The following CPVL variants were observed in gnomAD, a reference collection of about 807,000 sequenced individuals.
CPVL encodes carboxypeptidase vitellogenic like.
CPVL carries 51 observed loss-of-function variants against 63.7 expected under a neutral mutation model. That is an observed-to-expected ratio of 0.80 (90% CI 0.64 to 1.01). CPVL has a LOEUF of 1.01. Ranked by LOEUF, CPVL falls within the 50% of genes least tolerant of loss-of-function variation. CPVL has a pLI of 0.00. For missense variants in CPVL, 530 were observed against 573.1 expected (o/e 0.92, Z 0.77); for synonymous variants, 195 against 206.0 (o/e 0.95, Z 0.46).
chr7:29,191,960 A>T (rs1025298205), intron 1 of CPVL: 1 of 152,232 alleles, frequency 6.6e-6, no homozygotes, highest in South Asian at 2.1e-4. Flanking sequence ...AGGCTCCTGA[A>T]TCTAAGAAGG....
intron 8 of CPVL, among the ~76,000 whole-genome samples, 180 bp downstream of exon 8, chr7:29,072,121 T>G (rs1442372295): frequency 6.6e-6 from 1 of 152,164 alleles, no homozygotes; most frequent in African/African-American, 2.4e-5. Flanking sequence ...ACAGCCAATG[T>G]AAGCTGACAC....
chr7:29,163,106 T>C (rs961469011), intron 5 of CPVL, among the ~76,000 whole-genome samples: 1 of 152,180 alleles, frequency 6.6e-6, no homozygotes, highest in African/African-American at 2.4e-5. Context: ...CTACTTTTAC[T>C]CCTTATGAGT....
chr7:29,184,155 A>AGATG (rs753211671), intron 4 of CPVL, among the ~76,000 whole-genome samples: 7 of 70,880 alleles, frequency 9.9e-5, no homozygotes, highest in African/African-American at 4.4e-4. Flanking sequence ...GATAGATGAT[A>AGATG]GATAGATAGA....
intron 11 of CPVL, among the ~76,000 whole-genome samples, chr7:29,051,544 C>T (rs765993969): frequency 3.9e-5 from 6 of 152,058 alleles, no homozygotes; most frequent in Non-Finnish European, 7.4e-5. Context: ...AACCACCATG[C>T]GATACCACCT....
At chr7:29,060,613 A>G (rs192484633) in intron 11 of CPVL, among the ~76,000 whole-genome samples, 35 of 152,346 alleles carry the variant, frequency 2.3e-4, no homozygotes, top group African/African-American at 8.2e-4. Context: ...ATATCACTGT[A>G]AGAAAAGGAT....
chr7:29,020,851 A>C (rs576209038), intron 12 of CPVL, among the ~76,000 whole-genome samples: 4 of 152,366 alleles, frequency 2.6e-5, no homozygotes, highest in African/African-American at 7.2e-5. Flanking sequence ...TAAAAACACC[A>C]GAGATCTTAA....
At chr7:29,143,741 T>G (rs28641834) in intron 1 of CPVL, among the ~76,000 whole-genome samples, 1 of 152,184 alleles carries the variant, frequency 6.6e-6, no homozygotes, top group Non-Finnish European at 1.5e-5. Flanking sequence ...CCAACTATAT[T>G]GGAAAGATAA....
chr7:29,122,105 AGAT>A (rs1789446965), intron 1 of CPVL, among the ~76,000 whole-genome samples: 1 of 152,230 alleles, frequency 6.6e-6, no homozygotes. Flanking sequence ...ATGTATTTGT[AGAT>A]GATTTGAATC....
intron 5 of CPVL, among the ~76,000 whole-genome samples, chr7:29,178,266 C>A (rs1797614119): frequency 6.6e-6 from 1 of 152,154 alleles, no homozygotes; most frequent in South Asian, 2.1e-4. Context: ...ATGTTATCCC[C>A]TTCCTAAAAG....
chr7:29,048,895 T>A (rs905850078), intron 11 of CPVL, among the ~76,000 whole-genome samples: 3 of 92,030 alleles, frequency 3.3e-5, no homozygotes, highest in Non-Finnish European at 6.4e-5. Context: ...TGTGAATACA[T>A]GCAAATTAAA....
At chr7:29,153,691 T>A (rs564719838) in intron 5 of CPVL, among the ~76,000 whole-genome samples, 2 of 152,308 alleles carry the variant, frequency 1.3e-5, no homozygotes, top group South Asian at 4.1e-4. Context: ...TGCCTCAGCC[T>A]CCTGAGTGGC....
chr7:29,041,650 G>A (rs1789105137), intron 11 of CPVL, among the ~76,000 whole-genome samples: 1 of 152,062 alleles, frequency 6.6e-6, no homozygotes, highest in Non-Finnish European at 1.5e-5. Context: ...ATAAGAAACG[G>A]CCCTGCAAGA....
chr7:29,123,614 AAAAAAAAAAAAAAAATATAT>A (rs1369642621), intron 1 of CPVL, among the ~76,000 whole-genome samples: 14 of 92,198 alleles, frequency 1.5e-4, no homozygotes, highest in African/African-American at 6.9e-4. Context: ...AAAAAAAAAA[AAAAAAAAAAAAAAAATATAT>A]ATATATATAT....
chr7:29,167,285 T>A (rs947258953), intron 5 of CPVL, among the ~76,000 whole-genome samples: 1 of 152,218 alleles, frequency 6.6e-6, no homozygotes, highest in Non-Finnish European at 1.5e-5. Flanking sequence ...TAGGCTTACT[T>A]TTTTCATTCA....
intron 4 of CPVL, 42 bp downstream of exon 4, chr7:29,096,061 G>A: frequency 1.4e-6 from 2 of 1,476,206 alleles, no homozygotes; most frequent in Non-Finnish European, 1.9e-6. Flanking sequence ...ATGAGGCTCA[G>A]ATGAAAGATT....
intron 1 of CPVL, among the ~76,000 whole-genome samples, chr7:29,188,748 G>A (rs1466037027): frequency 1.3e-5 from 2 of 151,904 alleles, no homozygotes; most frequent in African/African-American, 4.8e-5. Flanking sequence ...GATTTTGGAC[G>A]TTTTGTTAAA....
intron 11 of CPVL, among the ~76,000 whole-genome samples, chr7:29,062,711 A>G (rs1661865170): frequency 1.3e-5 from 2 of 152,176 alleles, no homozygotes; most frequent in African/African-American, 4.8e-5. Flanking sequence ...CCTAATATAC[A>G]CATTGTAGAA....
intron 5 of CPVL, among the ~76,000 whole-genome samples, chr7:29,157,323 T>A (rs1253218110): frequency 6.7e-6 from 1 of 149,920 alleles, no homozygotes; most frequent in Non-Finnish European, 1.5e-5. Flanking sequence ...AAAATTGCAA[T>A]CCTTCTCCAC....
At chr7:29,119,763 G>A (rs1250154914) in intron 2 of CPVL, among the ~76,000 whole-genome samples, 2 of 152,150 alleles carry the variant, frequency 1.3e-5, no homozygotes, top group Non-Finnish European at 2.9e-5. Context: ...GCCCAGACTT[G>A]CTGGATAACG....
Sources: gnomAD v4.1 joint callset for allele counts (sites outside exome capture counted in the v4.1 genomes callset) on GRCh38, gnomAD v4.1.1 for gene constraint, MANE v1.5 for transcripts, NCBI Gene and HGNC (gene_info 2026-07-23, HGNC 2026-07-21) for gene names.